Variants in DOK6 observed in about 807,000 individuals in gnomAD.
DOK6 encodes downstream of tyrosine kinase 6.
Under a neutral mutation model 44.0 loss-of-function variants are expected in DOK6, and 22 were observed. That is an observed-to-expected ratio of 0.50 (90% CI 0.36 to 0.71). The LOEUF is 0.71. Among genes scored for constraint, DOK6 ranks in the 30% least tolerant of loss-of-function variants. The pLI is 0.00. For synonymous variants in DOK6, 166 were observed against 145.5 expected (o/e 1.14, Z -1.01); for missense variants, 340 against 416.4 (o/e 0.82, Z 1.60).
At chr18:69,692,234 A>G (rs899204316) in intron 4 of DOK6, among the ~76,000 whole-genome samples, 1 of 152,128 alleles carries the variant, frequency 6.6e-6, no homozygotes, top group Admixed American at 6.5e-5. Flanking sequence ...TTTATTTGAG[A>G]CTTTAAAATT....
chr18:69,643,117 T>C (rs1984985575), intron 3 of DOK6, among the ~76,000 whole-genome samples: 2 of 152,234 alleles, frequency 1.3e-5, no homozygotes, highest in South Asian at 4.1e-4. Flanking sequence ...CTATTCTTCT[T>C]TTGTTATTGC....
intron 4 of DOK6, among the ~76,000 whole-genome samples, chr18:69,689,111 G>T (rs139999276): frequency 5.9e-5 from 9 of 152,258 alleles, no homozygotes; most frequent in African/African-American, 1.7e-4. Flanking sequence ...TGATGTGCGG[G>T]TATCAGTCCA....
chr18:69,805,130 A>G (rs1380907851), intron 7 of DOK6, among the ~76,000 whole-genome samples: 1 of 152,176 alleles, frequency 6.6e-6, no homozygotes, highest in Non-Finnish European at 1.5e-5. Context: ...TAGTATGATT[A>G]AGAGCTATCA....
intron 1 of DOK6, among the ~76,000 whole-genome samples, chr18:69,546,613 C>T (rs543562175): frequency 6.6e-6 from 1 of 151,718 alleles, no homozygotes; most frequent in East Asian, 1.9e-4. Context: ...AAGTTATATG[C>T]TCTTTGCCTT....
intron 1 of DOK6, among the ~76,000 whole-genome samples, chr18:69,524,567 A>G (rs1388417764): frequency 1.3e-5 from 2 of 151,966 alleles, no homozygotes; most frequent in African/African-American, 4.8e-5. Context: ...AGTTTAGACA[A>G]TTACAATAAT....
At chr18:69,736,514 G>T (rs939434970) in intron 5 of DOK6, among the ~76,000 whole-genome samples, 2 of 152,116 alleles carry the variant, frequency 1.3e-5, no homozygotes, top group Non-Finnish European at 2.9e-5. Context: ...GATTACAATT[G>T]CAATTGTCTA....
intron 3 of DOK6, chr18:69,643,653 A>T (rs1984998462): frequency 6.6e-6 from 1 of 152,150 alleles, no homozygotes; most frequent in African/African-American, 2.4e-5. Flanking sequence ...TTAACCATTC[A>T]CCTACTGAAG....
chr18:69,585,722 CT>C (rs1983484276), intron 2 of DOK6, among the ~76,000 whole-genome samples: 1 of 152,136 alleles, frequency 6.6e-6, no homozygotes, highest in Non-Finnish European at 1.5e-5. Context: ...CTTTTAGCGT[CT>C]ATGTAATCTT....
At chr18:69,504,962 TTTAC>T (rs1981142847) in intron 1 of DOK6, among the ~76,000 whole-genome samples, 1 of 152,202 alleles carries the variant, frequency 6.6e-6, no homozygotes, top group South Asian at 2.1e-4. Context: ...CTTCTCCTTC[TTTAC>T]TTATATATAG....
chr18:69,465,662 T>G (rs1979906047), intron 1 of DOK6, among the ~76,000 whole-genome samples: 1 of 152,166 alleles, frequency 6.6e-6, no homozygotes, highest in Non-Finnish European at 1.5e-5. Context: ...CTGCATAGTA[T>G]TCCATGGTGT....
chr18:69,794,182 G>A (rs1980678427), intron 7 of DOK6, among the ~76,000 whole-genome samples: 1 of 151,906 alleles, frequency 6.6e-6, no homozygotes, highest in Non-Finnish European at 1.5e-5. Context: ...CATGTCATTG[G>A]GGCCCCATTT....
At chr18:69,407,829 G>A (rs891615512) in intron 1 of DOK6, among the ~76,000 whole-genome samples, 2 of 152,068 alleles carry the variant, frequency 1.3e-5, no homozygotes, top group African/African-American at 4.8e-5. Context: ...AATAATTCTT[G>A]GTTAATTTTT....
chr18:69,822,228 A>T (rs975238845), intron 7 of DOK6, among the ~76,000 whole-genome samples: 3 of 152,152 alleles, frequency 2.0e-5, no homozygotes, highest in African/African-American at 7.2e-5. Context: ...TTAGCGTGGG[A>T]ATTGTTAAAT....
rs1000004317 is a variant in DOK6 at position 69,417,253 on chromosome 18, C to T, written c.66+15943C>T. Among the ~76,000 whole-genome samples, 10 of 152,062 alleles carry T rather than the reference C, an allele frequency of 6.6e-5. No individual in the cohort carries two copies. The South Asian group carries it at 2.1e-3, about 32-fold the overall frequency. On this transcript the variant is annotated intron_variant, in intron 1 of 7. Coordinates refer to ENST00000382713, the MANE Select transcript of DOK6 (RefSeq NM_152721.6). ...ACTTTTCCTAGCCTCTGGTACCCAC[C>T]ATTCTATCCACTATGTCCATGAGAT...
chr18:69,818,784 C>A (rs1212757692), intron 7 of DOK6, among the ~76,000 whole-genome samples: 1 of 152,172 alleles, frequency 6.6e-6, no homozygotes, highest in Non-Finnish European at 1.5e-5. Context: ...AAACTGGAGC[C>A]ACGTAGAGAT....
intron 5 of DOK6, among the ~76,000 whole-genome samples, chr18:69,720,362 TTA>T (rs1229472713): frequency 3.9e-5 from 6 of 152,154 alleles, no homozygotes; most frequent in Non-Finnish European, 8.8e-5. Flanking sequence ...ATGTTTTCAT[TTA>T]TGTTTGCATT....
chr18:69,712,280 C>CAAAAA (rs869202861), intron 5 of DOK6, among the ~76,000 whole-genome samples: 1 of 22,674 alleles, frequency 4.4e-5, no homozygotes, highest in African/African-American at 1.9e-4. Flanking sequence ...GACTCCGTCT[C>CAAAAA]AAAAAAAAAA....
chr18:69,447,752 G>A (rs936816112), intron 1 of DOK6, among the ~76,000 whole-genome samples: 1 of 152,214 alleles, frequency 6.6e-6, no homozygotes, highest in African/African-American at 2.4e-5. Flanking sequence ...AACAGAGTAT[G>A]TGTATAGCCC....
intron 5 of DOK6, among the ~76,000 whole-genome samples, chr18:69,699,310 C>T (rs923811693): frequency 4.6e-5 from 7 of 152,084 alleles, no homozygotes; most frequent in Non-Finnish European, 8.8e-5. Context: ...GAATTCATGG[C>T]CTTATAAGGC....
Sources: allele counts gnomAD v4.1 joint callset (sites outside exome capture counted in the v4.1 genomes callset), GRCh38; gene constraint gnomAD v4.1.1; transcripts MANE v1.5; gene names NCBI Gene and HGNC (gene_info 2026-07-23, HGNC 2026-07-21).